The following RFX1 variants were observed in gnomAD, a reference collection of about 807,000 sequenced individuals.
The protein encoded by RFX1 is MHC class II regulatory factor RFX1.
In RFX1, 42 loss-of-function variants were observed where a neutral mutation model predicts 119.6. That is an observed-to-expected ratio of 0.35 (90% CI 0.27 to 0.45). RFX1 has a LOEUF of 0.45. Among genes scored for constraint, RFX1 ranks in the 20% least tolerant of loss-of-function variants. The pLI, the probability that RFX1 is intolerant of heterozygous loss-of-function variation, is 1.00. For missense variants in RFX1, 1,118 were observed against 1,368.1 expected, an observed-to-expected ratio of 0.82 and a Z score of 2.88; for synonymous variants, 628 against 618.5, an observed-to-expected ratio of 1.02 and a Z score of -0.23.
chr19:14,004,933 C>T (rs1183667325), intron 1 of RFX1, among the ~76,000 whole-genome samples: 1 of 152,218 alleles, frequency 6.6e-6, no homozygotes, highest in African/African-American at 2.4e-5. Context: ...GCTTCCCCTT[C>T]CCTCTGACCG....
At chr19:13,975,264 G>A (rs1301031849) in intron 8 of RFX1, among the ~76,000 whole-genome samples, 15 of 151,788 alleles carry the variant, frequency 9.9e-5, no homozygotes, top group African/African-American at 3.4e-4. Context: ...GACTGAGGCA[G>A]GAGAATCGCA....
intron 8 of RFX1, among the ~76,000 whole-genome samples, chr19:13,975,646 G>T (rs1222644986): frequency 6.6e-6 from 1 of 152,216 alleles, no homozygotes; most frequent in African/African-American, 2.4e-5. Context: ...CTCCAAGGCG[G>T]GGGCCACAGC....
Position 13,989,511 on chromosome 19 carries a change from C to T in RFX1, c.319+4014G>A, listed in dbSNP as rs184044343. Among the ~76,000 whole-genome samples, 141 of 151,960 alleles carry T rather than the reference C, an allele frequency of 9.3e-4. 1 individual carries two copies. Among genetic ancestry groups the T allele is most frequent in the Non-Finnish European group, 1.6e-3 (112 of 67,972 alleles). ...TCAGCCTCCCAAGTAGCTGGGATTA[C>T]GGCGCCCACCACCACACCCAGCTTA... is the stretch of plus-strand genomic sequence containing the variant. On this transcript the variant is annotated intron_variant, in intron 2 of 20. Transcript: ENST00000254325.
Position 13,962,998 on chromosome 19 carries a change from G to T in RFX1, c.2766C>A (p.Asp922Glu). 1 of 1,551,260 alleles carries T rather than the reference G, an allele frequency of 6.4e-7. No individual in the cohort carries two copies. Among genetic ancestry groups the T allele is most frequent in the Non-Finnish European group, 8.7e-7 (1 of 1,146,940 alleles). Reference sequence around the variant, plus strand: ...GTGGGAACACGCCTCGCCTACCTTTGTCGGGGTCCAGGGGGTTCAGGGAGG... The same window carrying T: ...GTGGGAACACGCCTCGCCTACCTTTTTCGGGGTCCAGGGGGTTCAGGGAGG... ...LATSLNPLDP[D>E]KDEEEEEEEE... Residue 922 changes from aspartate (D) to glutamate (E), a missense_variant, in exon 20 of 21, where the codon GAC becomes GAA. Asp to Glu is a conservative substitution (Grantham distance 45, BLOSUM62 2). Coordinates refer to ENST00000254325, the MANE Select transcript of RFX1 (RefSeq NM_002918.5).
rs1973718103 is a variant in RFX1 at position 13,962,431 on chromosome 19, C to A, written c.*264G>T. On this transcript the variant is annotated 3_prime_UTR_variant, in exon 21 of 21. Transcript: ENST00000254325. ...GCCTGGGAGGGGGGCGGCCAAGGGG[C>A]CGAGCTGGATGCCCCGCGGGGCACC... 3 of 487,054 alleles carry A rather than the reference C, an allele frequency of 6.2e-6. No individual in the cohort carries two copies. Among genetic ancestry groups the A allele is most frequent in the Non-Finnish European group, 1.1e-5 (3 of 275,466 alleles). 30.2% of individuals were successfully genotyped at this position (487,054 alleles called of 1,614,324 possible).
In RFX1 at chr19:13,969,828, C is replaced by T. The variant is rs1337151832; in HGVS notation, c.1496+166G>A. The T allele has an allele frequency of 1.7e-6, 1 of 598,680 alleles. No homozygotes were observed. The highest frequency in any genetic ancestry group is 2.8e-6 in the Non-Finnish European group (1 of 354,516). 37.1% of individuals were successfully genotyped at this position (598,680 alleles called of 1,614,324 possible). A position where few individuals can be genotyped will look rare whatever the true frequency, so the allele number is the denominator to read the frequency against. ...GAAGCACATGAGGTGGAAGGCACCG[C>T]CAGTGCAAAGGCCTAGAGTGGGAGT... On this transcript the variant is annotated intron_variant, in intron 10 of 20. Coordinates refer to ENST00000254325, the MANE Select transcript of RFX1 (RefSeq NM_002918.5). The surrounding 1 kb of genome is among the most constrained non-coding windows in gnomAD (Gnocchi z 4.5).
intron 5 of RFX1, among the ~76,000 whole-genome samples, chr19:13,981,720 A>G (rs1353342677): frequency 6.6e-6 from 1 of 152,118 alleles, no homozygotes; most frequent in Non-Finnish European, 1.5e-5. Context: ...CAACACCCTC[A>G]TTGGTGTTGT....
rs755231184 is a variant in RFX1 at position 13,978,106 on chromosome 19, C to T, written c.835-20G>A. The T allele has an allele frequency of 5.7e-6, 9 of 1,592,810 alleles. No individual in the cohort carries two copies. The Admixed American group carries it at 6.7e-5, about 12-fold the overall frequency. On this transcript the variant is annotated intron_variant, in intron 7 of 20. Coordinates refer to ENST00000254325, the MANE Select transcript of RFX1 (RefSeq NM_002918.5). Reference sequence around the variant, plus strand: ...CTGCACCTGGGGCAGAGGAAGGGCACGTGGAGGGTCAGGGGTGGGCCAGCT... The same window carrying T: ...CTGCACCTGGGGCAGAGGAAGGGCATGTGGAGGGTCAGGGGTGGGCCAGCT...
chr19:13,963,498 TC>T, intron 18 of RFX1, 39 bp downstream of exon 18: 1 of 1,548,428 alleles, frequency 6.5e-7, no homozygotes. Flanking sequence ...CGCGGGGCCT[TC>T]CCTGGTGCCG....
chr19:14,003,440 A>G (rs558116684), intron 1 of RFX1, among the ~76,000 whole-genome samples: 1 of 149,020 alleles, frequency 6.7e-6, no homozygotes, highest in Admixed American at 6.6e-5. Flanking sequence ...AGCGAGAAGC[A>G]AGTCAACCTT....
At chr19:14,002,393 G>A (rs1272480979) in intron 1 of RFX1, among the ~76,000 whole-genome samples, 1 of 151,560 alleles carries the variant, frequency 6.6e-6, no homozygotes, top group Non-Finnish European at 1.5e-5. Context: ...GCTGAAGCAG[G>A]AGAATTGCTT....
At chr19:13,970,320 T>A (rs943434477) in intron 9 of RFX1, 145 bp from the exon 10 acceptor site, 13 of 647,584 alleles carry the variant, frequency 2.0e-5, no homozygotes, top group Non-Finnish European at 3.4e-5. Context: ...TGCCATCCTC[T>A]CCAAGAACTA....
At chr19:14,004,346 A>G (rs1219020260) in intron 1 of RFX1, among the ~76,000 whole-genome samples, 3 of 152,150 alleles carry the variant, frequency 2.0e-5, no homozygotes, top group African/African-American at 4.8e-5. Flanking sequence ...CGTCTCTACT[A>G]AAAATACGAA....
chr19:13,966,879 G>T lies in RFX1; in HGVS notation c.1733-128C>A. Reference sequence around the variant, plus strand: ...TGCCGGTGAGACAACGCTAGGTGGGGTGAGCGCCTGGCCCGGGCCCAGGAC... The same window carrying T: ...TGCCGGTGAGACAACGCTAGGTGGGTTGAGCGCCTGGCCCGGGCCCAGGAC... On this transcript the variant is annotated intron_variant, in intron 12 of 20. Transcript: ENST00000254325. This position sits in a 1 kb window ranked among gnomAD's most constrained non-coding sequence, Gnocchi z 6.3. 3.2e-6 allele frequency: 2 copies of T among 623,410 alleles called. No individual in the cohort carries two copies. Among genetic ancestry groups the T allele is most frequent in the Non-Finnish European group, 2.8e-6 (1 of 362,916 alleles). 38.6% of individuals were successfully genotyped at this position (623,410 alleles called of 1,614,324 possible). A position where few individuals can be genotyped will look rare whatever the true frequency, so the allele number is the denominator to read the frequency against.
chr19:13,993,895 C>A lies in RFX1; in HGVS notation c.-52G>T. ...ATAAGGCTTTTTTTTTTTTTTAATTCCTTGGGAAGAAAGACGGGGATGGGG... is the reference window on the plus strand; with the variant it reads ...ATAAGGCTTTTTTTTTTTTTTAATTACTTGGGAAGAAAGACGGGGATGGGG... On this transcript the variant is annotated splice_region_variant and 5_prime_UTR_variant, in exon 2 of 21. Coordinates refer to ENST00000254325, the MANE Select transcript of RFX1 (RefSeq NM_002918.5). 7.4e-7 allele frequency: 1 copy of A among 1,355,374 alleles called. No individual in the cohort carries two copies. Among genetic ancestry groups the A allele is most frequent in the East Asian group, 2.6e-5 (1 of 38,596 alleles). 84.0% of individuals were successfully genotyped at this position (1,355,374 alleles called of 1,614,324 possible). A position where few individuals can be genotyped will look rare whatever the true frequency, so the allele number is the denominator to read the frequency against.
chr19:13,980,443 C>G lies in RFX1; in HGVS notation c.738+130G>C, dbSNP rs1974391685. Reference sequence around the variant, plus strand: ...ACAGGCAGAGATGCTTATCAAAGGCCAGGGTGGCAGGCTGGGGCTGGACCC... The same window carrying G: ...ACAGGCAGAGATGCTTATCAAAGGCGAGGGTGGCAGGCTGGGGCTGGACCC... On this transcript the variant is annotated intron_variant, in intron 6 of 20. Coordinates refer to ENST00000254325, the MANE Select transcript of RFX1 (RefSeq NM_002918.5). This position sits in a 1 kb window ranked among gnomAD's most constrained non-coding sequence, Gnocchi z 5.1. 3.3e-6 allele frequency: 2 copies of G among 606,132 alleles called. No homozygotes were observed. Among genetic ancestry groups the G allele is most frequent in the South Asian group, 4.0e-5 (2 of 50,168 alleles). 37.5% of individuals were successfully genotyped at this position (606,132 alleles called of 1,614,324 possible). A position where few individuals can be genotyped will look rare whatever the true frequency, so the allele number is the denominator to read the frequency against.
At chr19:13,998,872 C>T (rs1475901894) in intron 1 of RFX1, among the ~76,000 whole-genome samples, 2 of 152,210 alleles carry the variant, frequency 1.3e-5, no homozygotes, top group Admixed American at 6.5e-5. Flanking sequence ...AAGCTCCTCA[C>T]TTACTGGCTC....
chr19:13,980,822 C>T lies in RFX1; in HGVS notation c.622-133G>A, dbSNP rs910083554. The T allele has an allele frequency of 4.7e-5, 27 of 579,642 alleles. No homozygotes were observed. The highest frequency in any genetic ancestry group is 4.3e-5 in the Non-Finnish European group (14 of 327,108). 35.9% of individuals were successfully genotyped at this position (579,642 alleles called of 1,614,324 possible). A position where few individuals can be genotyped will look rare whatever the true frequency, so the allele number is the denominator to read the frequency against. On this transcript the variant is annotated intron_variant, in intron 5 of 20. Transcript: ENST00000254325. The surrounding 1 kb of genome is among the most constrained non-coding windows in gnomAD (Gnocchi z 5.1). The stretch of plus-strand genomic sequence containing the variant: ...GTCTGTGGGGACCTATCCCAACCAC[C>T]GAGGCTGGTAACTGACCGCGTCCCA...
intron 2 of RFX1, among the ~76,000 whole-genome samples, chr19:13,987,181 C>T (rs1053264741): frequency 2.0e-5 from 3 of 152,194 alleles, no homozygotes; most frequent in African/African-American, 7.2e-5. Context: ...GGCTCGGTTT[C>T]ACCTTCCCAG....
Sources: allele counts gnomAD v4.1 joint callset (sites outside exome capture counted in the v4.1 genomes callset), GRCh38; gene constraint gnomAD v4.1.1; non-coding constraint Gnocchi (gnomAD v3.1); transcripts MANE v1.5; gene names NCBI Gene and HGNC (gene_info 2026-07-23, HGNC 2026-07-21).